TRIM27: variants seen among roughly 807,000 people sequenced by gnomAD.
TRIM27 encodes tripartite motif containing 27.
A neutral mutation model predicts 57.6 loss-of-function variants in TRIM27; 12 were observed. The ratio of observed to expected loss-of-function variants is 0.21; its 90% CI spans 0.13 to 0.34. TRIM27 has a LOEUF of 0.34. Ranked by LOEUF, TRIM27 falls within the 10% of genes least tolerant of loss-of-function variation. TRIM27 has a pLI of 1.00. For synonymous variants in TRIM27, 266 were observed against 259.0 expected, an observed-to-expected ratio of 1.03 and a Z score of -0.26; for missense variants, 403 against 656.8, an observed-to-expected ratio of 0.61 and a Z score of 4.22.
intron 4 of TRIM27, chr6:28,911,388 G>C (rs1773201080): frequency 3.1e-6 from 1 of 320,532 alleles, no homozygotes; most frequent in East Asian, 4.9e-5. Flanking sequence ...GAAATGTATA[G>C]GAAGCAATAG....
In TRIM27 at chr6:28,923,890, G is replaced by A. The variant is rs1181675111; in HGVS notation, c.-258C>T. On this transcript the variant is annotated 5_prime_UTR_variant, in exon 1 of 8. Coordinates refer to ENST00000377199, the MANE Select transcript of TRIM27 (RefSeq NM_006510.5). ...CGAGGCTCGCGGCCACGCTAGTGGG[G>A]CAGGAAAGGGTAGCCGAGGGTCAGA... 1.9e-5 allele frequency: 9 copies of A among 485,172 alleles called. No individual in the cohort carries two copies. The highest frequency in any genetic ancestry group is 3.2e-5 in the Non-Finnish European group (9 of 276,930). The allele number at this position is 485,172 out of a possible 1,614,324, so 30.1% of individuals were successfully genotyped here. A position where few individuals can be genotyped will look rare whatever the true frequency, so the allele number is the denominator to read the frequency against.
At chr6:28,916,680 T>C (rs1228844739) in intron 3 of TRIM27, among the ~76,000 whole-genome samples, 2 of 152,094 alleles carry the variant, frequency 1.3e-5, no homozygotes, top group East Asian at 3.9e-4. Context: ...TGAGGAGTGA[T>C]TGCTTAATAG....
At chr6:28,921,133 C>T (rs1177895614) in intron 2 of TRIM27, among the ~76,000 whole-genome samples, 3 of 152,218 alleles carry the variant, frequency 2.0e-5, no homozygotes, top group Non-Finnish European at 4.4e-5. Context: ...GTAATCCCAG[C>T]ACTTTGGGAG....
chr6:28,911,676 A>G lies in TRIM27; in HGVS notation c.770+20T>C. The G allele has an allele frequency of 6.2e-7, 1 of 1,609,664 alleles. No homozygotes were observed. Among genetic ancestry groups the G allele is most frequent in the Non-Finnish European group, 8.5e-7 (1 of 1,178,502 alleles). On this transcript the variant is annotated intron_variant, in intron 4 of 7. Transcript: ENST00000377199. ...GTCTTCTCATATTTGATTTAACACT[A>G]GGGAAACAGAAAACTATACCTGCTC...
At chr6:28,922,243 T>G (rs1329949523) in intron 1 of TRIM27, among the ~76,000 whole-genome samples, 1 of 152,218 alleles carries the variant, frequency 6.6e-6, no homozygotes. Context: ...GTGTCTATCT[T>G]AAACAATGAG....
rs187272806 is a variant in TRIM27 at position 28,907,417 on chromosome 6, T to A, written c.920-155A>T. ...CATGCACTAATTTTTTCATATGATGTATGGCTCTATCATCCAACCAAAAGC... is the reference window on the plus strand; with the variant it reads ...CATGCACTAATTTTTTCATATGATGAATGGCTCTATCATCCAACCAAAAGC... On this transcript the variant is annotated intron_variant, in intron 6 of 7. Coordinates refer to ENST00000377199, the MANE Select transcript of TRIM27 (RefSeq NM_006510.5). 3.0e-4 allele frequency: 222 copies of A among 749,602 alleles called. 2 individuals are homozygous for A. In the East Asian group the frequency reaches 5.4e-3, roughly 18 times the overall value. The allele number at this position is 749,602 out of a possible 1,614,324, so 46.4% of individuals were successfully genotyped here.
Position 28,904,039 on chromosome 6 carries a change from C to T in TRIM27, c.*31G>A. On this transcript the variant is annotated 3_prime_UTR_variant, in exon 8 of 8. Coordinates refer to ENST00000377199, the MANE Select transcript of TRIM27 (RefSeq NM_006510.5). This position sits in a 1 kb window ranked among gnomAD's most constrained non-coding sequence, Gnocchi z 6.1. ...CCTTGTGCCTGGCGTAGGATTACAG[C>T]CAACAGCCCTTTTGGCCTGAATTCA... is the stretch of plus-strand genomic sequence containing the variant. 1 of 1,581,552 alleles carries T rather than the reference C, an allele frequency of 6.3e-7. No individual in the cohort carries two copies. The highest frequency in any genetic ancestry group is 8.6e-7 in the Non-Finnish European group (1 of 1,157,716).
chr6:28,920,072 G>A lies in TRIM27; in HGVS notation c.687C>T (p.Leu229=), dbSNP rs768993130. Reference sequence around the variant, plus strand: ...CTTCTAGCTGAGCGATCAGGCTGCTGAGGTGGGAGATGTTGCAAGAGAACT... The same window carrying A: ...CTTCTAGCTGAGCGATCAGGCTGCTAAGGTGGGAGATGTTGCAAGAGAACT... ...ITQFSCNISH[L]SSLIAQLEEK... is the part of the protein sequence containing the mutation. Residue 229 remains leucine, a synonymous_variant, in exon 3 of 8, where the codon CTC becomes CTT. Coordinates refer to ENST00000377199, the MANE Select transcript of TRIM27 (RefSeq NM_006510.5). 5.6e-6 allele frequency: 9 copies of A among 1,614,220 alleles called. No individual in the cohort carries two copies. Among genetic ancestry groups the A allele is most frequent in the African/African-American group, 1.3e-5 (1 of 75,076 alleles).
intron 3 of TRIM27, among the ~76,000 whole-genome samples, chr6:28,916,479 C>T (rs1562170336): frequency 6.6e-6 from 1 of 151,354 alleles, no homozygotes; most frequent in Non-Finnish European, 1.5e-5. Context: ...TTGAACCTGG[C>T]AGGCGGAGGT....
In TRIM27 at chr6:28,908,847, A is replaced by C. The variant is rs1772967601; in HGVS notation, c.887-7T>G. ...ATATCTGACTGCATTTTTTCTAAGA[A>C]AAGAAAACAAGAAAATATTCAGTCT... is the stretch of plus-strand genomic sequence containing the variant. On this transcript the variant is annotated splice_polypyrimidine_tract_variant and splice_region_variant and intron_variant, in intron 5 of 7. Coordinates refer to ENST00000377199, the MANE Select transcript of TRIM27 (RefSeq NM_006510.5). The C allele has an allele frequency of 6.2e-7, 1 of 1,613,542 alleles. No individual in the cohort carries two copies. The highest frequency in any genetic ancestry group is 1.3e-5 in the African/African-American group (1 of 74,918).
At chr6:28,916,758 G>T (rs1238180150) in intron 3 of TRIM27, among the ~76,000 whole-genome samples, 1 of 152,134 alleles carries the variant, frequency 6.6e-6, no homozygotes, top group African/African-American at 2.4e-5. Context: ...TTACAACACT[G>T]TGGATTTACT....
chr6:28,904,725 C>T lies in TRIM27; in HGVS notation c.947-60G>A. On this transcript the variant is annotated intron_variant, in intron 7 of 7. Coordinates refer to ENST00000377199, the MANE Select transcript of TRIM27 (RefSeq NM_006510.5). This position sits in a 1 kb window ranked among gnomAD's most constrained non-coding sequence, Gnocchi z 6.1. ...CCAGGAGAGCCTATTTTAGAACACC[C>T]AGCGCCTTTCTACTACCTCCCCAAT... 7.6e-7 allele frequency: 1 copy of T among 1,322,642 alleles called. No individual in the cohort carries two copies. The highest frequency in any genetic ancestry group is 1.0e-6 in the Non-Finnish European group (1 of 975,320). The allele number at this position is 1,322,642 out of a possible 1,614,324, so 81.9% of individuals were successfully genotyped here. A position where few individuals can be genotyped will look rare whatever the true frequency, so the allele number is the denominator to read the frequency against.
At position 28,908,993 on chromosome 6, in the gene TRIM27, T is replaced by C; in HGVS notation, c.866A>G (p.Glu289Gly). The change falls in exon 5 of 8, where the codon GAG (glutamate) becomes GGG (glycine). Residue 289 changes from glutamate to glycine, a missense_variant. Transcript: ENST00000377199. ...ATTACCTGTGAACTGCTTTAGACTC[T>C]CCGTCAAGAATAGACATTTTTGGGC... is the stretch of plus-strand genomic sequence containing the variant. The part of the protein sequence containing the change: ...IFAQKCLFLT[E>G]SLKQFTEKMQ... 1.2e-6 allele frequency: 2 copies of C among 1,613,888 alleles called. No homozygotes were observed. Among genetic ancestry groups the C allele is most frequent in the Non-Finnish European group, 1.7e-6 (2 of 1,179,864 alleles).
At chr6:28,914,672 C>T (rs897331399) in intron 3 of TRIM27, 6 of 149,386 alleles carry the variant, frequency 4.0e-5, no homozygotes, top group Admixed American at 2.7e-4. Flanking sequence ...TCCGAGACTT[C>T]ACTACATAAT....
intron 3 of TRIM27, among the ~76,000 whole-genome samples, chr6:28,916,358 G>C (rs1417403517): frequency 1.3e-5 from 2 of 151,286 alleles, no homozygotes; most frequent in Non-Finnish European, 2.9e-5. Context: ...TTTGAGACTA[G>C]CCTGACCAAC....
chr6:28,916,845 T>A (rs1250422652), intron 3 of TRIM27, among the ~76,000 whole-genome samples: 1 of 151,868 alleles, frequency 6.6e-6, no homozygotes, highest in African/African-American at 2.4e-5. Context: ...ATTAAAAAAA[T>A]GAAGAAGGCT....
intron 3 of TRIM27, among the ~76,000 whole-genome samples, chr6:28,912,893 T>A (rs1223479809): frequency 1.3e-5 from 2 of 152,214 alleles, no homozygotes; most frequent in Non-Finnish European, 2.9e-5. Context: ...GGGATATCCA[T>A]CACATCGTTA....
Position 28,923,376 on chromosome 6 carries a change from G to A in TRIM27, c.257C>T (p.Pro86Leu). ...QLVKQLRTER[P>L]SGPGGEMGVC... ...GCCCATCTCGCCGCCGGGCCCCGAC[G>A]GCCGCTCGGTGCGCAGCTGCTTTAC... The change falls in exon 1 of 8, where the codon CCG becomes CTG. Residue 86 changes from proline (P) to leucine (L), a missense_variant. Pro to Leu is a moderately conservative substitution (Grantham distance 98). Coordinates refer to ENST00000377199, the MANE Select transcript of TRIM27 (RefSeq NM_006510.5). 3 of 1,612,106 alleles carry A rather than the reference G, an allele frequency of 1.9e-6. No homozygotes were observed. Among genetic ancestry groups the A allele is most frequent in the Non-Finnish European group, 2.5e-6 (3 of 1,179,676 alleles).
chr6:28,916,413 G>A (rs1301679555), intron 3 of TRIM27, among the ~76,000 whole-genome samples: 1 of 151,936 alleles, frequency 6.6e-6, no homozygotes. Flanking sequence ...TTAGCCAGGG[G>A]TGGTGGCGCA....
Sources: allele counts gnomAD v4.1 joint callset (sites outside exome capture counted in the v4.1 genomes callset), GRCh38; gene constraint gnomAD v4.1.1; non-coding constraint Gnocchi (gnomAD v3.1); transcripts MANE v1.5; gene names NCBI Gene and HGNC (gene_info 2026-07-23, HGNC 2026-07-21).